The following SPINK1 variants were observed in gnomAD, a reference collection of about 807,000 sequenced individuals.
SPINK1 encodes serine protease inhibitor Kazal-type 1.
In SPINK1, 5 loss-of-function variants were observed where a neutral mutation model predicts 9.5. The ratio of observed to expected loss-of-function variants is 0.52; its 90% CI spans 0.27 to 1.10. SPINK1 has a LOEUF of 1.10. SPINK1 is among the 50% of genes least tolerant of loss of function. The probability of loss-of-function intolerance (pLI) is 0.11; values close to 1 mark genes in which losing one functional copy is unlikely to be tolerated. For missense variants in SPINK1, 88 were observed against 92.7 expected, an observed-to-expected ratio of 0.95 and a Z score of 0.21; for synonymous variants, 37 against 32.3, an observed-to-expected ratio of 1.14 and a Z score of -0.49.
intron 2 of SPINK1, among the ~76,000 whole-genome samples, chr5:147,828,969 G>A (rs765700821): frequency 1.3e-5 from 2 of 151,748 alleles, no homozygotes; most frequent in Non-Finnish European, 2.9e-5. Context: ...ACTAGGCTAA[G>A]TTCCTAACGG....
chr5:147,829,717 G>A (rs1756475980), intron 1 of SPINK1, 87 bp from the exon 2 acceptor site: 1 of 1,214,460 alleles, frequency 8.2e-7, no homozygotes, highest in Non-Finnish European at 1.2e-6. Context: ...TTTCATTGCA[G>A]ACTGTGACTT....
At chr5:147,830,444 G>A (rs1179393967) in intron 1 of SPINK1, among the ~76,000 whole-genome samples, 2 of 152,118 alleles carry the variant, frequency 1.3e-5, no homozygotes, top group African/African-American at 4.8e-5. Context: ...CAATCTTTGA[G>A]GTGATCTGAG....
chr5:147,839,195 T>C, the SPINK1 span, among the ~76,000 whole-genome samples: 1 of 152,134 alleles, frequency 6.6e-6, no homozygotes, highest in Non-Finnish European at 1.5e-5. Flanking sequence ...AGGAGAAGTA[T>C]TGAGCAAAAG....
chr5:147,837,588 T>A, the SPINK1 span, among the ~76,000 whole-genome samples: 1 of 152,214 alleles, frequency 6.6e-6, no homozygotes, highest in East Asian at 1.9e-4. Context: ...ATTGGTGTAA[T>A]CTTTCCTTAT....
At chr5:147,832,219 T>C (rs1756521332), upstream of SPINK1, among the ~76,000 whole-genome samples, 1 of 152,326 alleles carries the variant, frequency 6.6e-6, no homozygotes, top group Admixed American at 6.5e-5. Context: ...GGAGCCACTT[T>C]TGCTGTGCTT....
intron 3 of SPINK1, among the ~76,000 whole-genome samples, chr5:147,825,631 G>A (rs1390014731): frequency 6.6e-5 from 10 of 151,642 alleles, no homozygotes; most frequent in African/African-American, 2.4e-4. Context: ...TAGTAGAGAC[G>A]GGGTTTTACC....
chr5:147,828,109 A>G lies in SPINK1; in HGVS notation c.107T>C (p.Leu36Pro). ...GTCATATATCTTGGTGCATCCATTAAGTTCATTGTAACATTTGGCCTAAAA... is the reference window on the plus strand; with the variant it reads ...GTCATATATCTTGGTGCATCCATTAGGTTCATTGTAACATTTGGCCTAAAA... Reference protein sequence around the residue: ...LGREAKCYNELNGCTKIYDPV... With the variant: ...LGREAKCYNEPNGCTKIYDPV... Residue 36 changes from leucine (L) to proline (P), a missense_variant, in exon 3 of 4, where the codon CTT (leucine) becomes CCT (proline). Coordinates refer to ENST00000296695, the MANE Select transcript of SPINK1 (RefSeq NM_001379610.1). 6.2e-7 allele frequency: 1 copy of G among 1,613,260 alleles called. No individual in the cohort carries two copies. The highest frequency in any genetic ancestry group is 2.2e-5 in the East Asian group (1 of 44,756).
At chr5:147,835,399 T>C (rs113186532), upstream of SPINK1, among the ~76,000 whole-genome samples, 1 of 152,130 alleles carries the variant, frequency 6.6e-6, no homozygotes, top group Non-Finnish European at 1.5e-5. Context: ...CAATCAATTC[T>C]TGACAGAATA....
intron 2 of SPINK1, 54 bp downstream of exon 2, chr5:147,829,545 G>T: frequency 1.3e-6 from 2 of 1,563,414 alleles, no homozygotes; most frequent in Non-Finnish European, 8.8e-7. Flanking sequence ...CTGCATTTTT[G>T]TTGGATCAAA....
At chr5:147,837,395 A>G in the SPINK1 span, among the ~76,000 whole-genome samples, 2 of 152,306 alleles carry the variant, frequency 1.3e-5, no homozygotes, top group South Asian at 4.1e-4. Context: ...GGGACTGTGG[A>G]CCTGTAGATA....
rs1007831681 is a variant in SPINK1 at position 147,829,603 on chromosome 5, C to T, written c.83G>A (p.Arg28Lys). The T allele has an allele frequency of 3.1e-6, 5 of 1,612,648 alleles. No homozygotes were observed. The highest frequency in any genetic ancestry group is 1.3e-5 in the African/African-American group (1 of 74,908). Residue 28 changes from arginine (R) to lysine (K), a missense_variant, in exon 2 of 4, where the codon AGA (arginine) becomes AAA (lysine). Arg to Lys is a conservative substitution (Grantham distance 26, BLOSUM62 2). Transcript: ENST00000296695. The part of the protein sequence containing the change: ...SGNTGADSLG[R>K]EAKCYNELNG... ...AAATTACAAATATCTCTTTACCTCT[C>T]TTCCCAGGGAGTCAGCTCCAGTGTT...
chr5:147,828,046 T>G lies in SPINK1; in HGVS notation c.170A>C (p.Glu57Ala), dbSNP rs777412858. The change falls in exon 3 of 4, where the codon GAA becomes GCA. Residue 57 changes from glutamate (E) to alanine (A), a missense_variant. Physicochemically the swap from Glu to Ala is moderately radical, Grantham distance 107. Coordinates refer to ENST00000296695, the MANE Select transcript of SPINK1 (RefSeq NM_001379610.1). ...CGTDGNTYPN[E>A]CVLCFENRKR... ...CCGATTTTCAAAACATAACACGCAT[T>G]CATTGGGATAAGTATTTCCATCAGT... The G allele has an allele frequency of 6.2e-7, 1 of 1,613,360 alleles. No individual in the cohort carries two copies. The highest frequency in any genetic ancestry group is 8.5e-7 in the Non-Finnish European group (1 of 1,179,750).
chr5:147,830,197 T>A (rs1756484444), intron 1 of SPINK1, among the ~76,000 whole-genome samples: 1 of 152,210 alleles, frequency 6.6e-6, no homozygotes, highest in African/African-American at 2.4e-5. Flanking sequence ...CAACTCACTA[T>A]CAGTTCCCAA....
At chr5:147,827,950 C>A in intron 3 of SPINK1, 72 bp downstream of exon 3, 1 of 1,178,952 alleles carries the variant, frequency 8.5e-7, no homozygotes, top group South Asian at 1.3e-5. Context: ...GGGTGAGATT[C>A]ATATTATCAG....
At chr5:147,826,419 G>A (rs1045661146) in intron 3 of SPINK1, among the ~76,000 whole-genome samples, 2 of 152,138 alleles carry the variant, frequency 1.3e-5, no homozygotes, top group Admixed American at 1.3e-4. Flanking sequence ...ATACAAATGT[G>A]CCTCCCATAT....
upstream of SPINK1, among the ~76,000 whole-genome samples, chr5:147,833,606 T>G (rs943182639): frequency 2.6e-5 from 4 of 152,158 alleles, no homozygotes; most frequent in Non-Finnish European, 4.4e-5. Context: ...ACCTCAATCC[T>G]GGACACTTCT....
At chr5:147,836,838 G>A in the SPINK1 span, among the ~76,000 whole-genome samples, 1 of 152,058 alleles carries the variant, frequency 6.6e-6, no homozygotes, top group Non-Finnish European at 1.5e-5. Context: ...TTCTTTCCTT[G>A]TCTAGAACAG....
At chr5:147,832,569 A>T (rs1027542413), upstream of SPINK1, among the ~76,000 whole-genome samples, 2 of 152,212 alleles carry the variant, frequency 1.3e-5, no homozygotes, top group Admixed American at 6.5e-5. Flanking sequence ...ATTGCCCTTT[A>T]CAAAAGATTT....
intron 2 of SPINK1, among the ~76,000 whole-genome samples, chr5:147,828,870 C>CA (rs1003412606): frequency 2.0e-5 from 3 of 152,004 alleles, no homozygotes; most frequent in African/African-American, 7.3e-5. Flanking sequence ...TACATCTCCC[C>CA]ACCAGTTTTG....
Sources: allele counts gnomAD v4.1 joint callset (sites outside exome capture counted in the v4.1 genomes callset), GRCh38; gene constraint gnomAD v4.1.1; transcripts MANE v1.5; gene names NCBI Gene and HGNC (gene_info 2026-07-23, HGNC 2026-07-21).